The following KCNT2 variants were observed in gnomAD, a reference collection of about 807,000 sequenced individuals.
The protein encoded by KCNT2 is potassium sodium-activated channel subfamily T member 2.
A neutral mutation model predicts 153.8 loss-of-function variants in KCNT2; 67 were observed. The ratio of observed to expected loss-of-function variants is 0.44; its 90% CI spans 0.36 to 0.53. The LOEUF (loss-of-function observed/expected upper bound fraction) is 0.53. KCNT2 is among the 20% of genes least tolerant of loss of function. The pLI is 0.00. For synonymous variants in KCNT2, 500 were observed against 458.8 expected (o/e 1.09, Z -1.15); for missense variants, 975 against 1,354.8 (o/e 0.72, Z 4.40).
At chr1:196,241,068 G>C (rs1654909530) in intron 26 of KCNT2, among the ~76,000 whole-genome samples, 1 of 152,142 alleles carries the variant, frequency 6.6e-6, no homozygotes, top group South Asian at 2.1e-4. Flanking sequence ...AAGGAAGACA[G>C]AGAAAGAGAC....
In KCNT2 at chr1:196,510,676, C is replaced by T. The variant is rs112441800; in HGVS notation, c.96-18335G>A. 4.1e-3 allele frequency among the ~76,000 whole-genome samples: 622 copies of T among 152,224 alleles called. 5 individuals are homozygous for T. The highest frequency in any genetic ancestry group is 0.014 in the African/African-American group (590 of 41,554). ...TAAGTATCATAGAAGTGGGTGTGAT[C>T]GACATGGAAATGTGGCACCCAGATT... On this transcript the variant is annotated intron_variant, in intron 1 of 27. Coordinates refer to ENST00000294725, the MANE Select transcript of KCNT2 (RefSeq NM_198503.5).
intron 16 of KCNT2, 134 bp downstream of exon 16, chr1:196,340,207 A>G (rs1665484047): frequency 1.7e-6 from 1 of 595,854 alleles, no homozygotes; most frequent in Non-Finnish European, 2.8e-6. Context: ...ATACCTAGTC[A>G]TACCTAGTTT....
At chr1:196,239,196 A>G (rs971384863) in intron 26 of KCNT2, among the ~76,000 whole-genome samples, 2 of 151,956 alleles carry the variant, frequency 1.3e-5, no homozygotes, top group Non-Finnish European at 2.9e-5. Flanking sequence ...GGGAATTTGC[A>G]GTGAATATAT....
chr1:196,342,422 A>ATATATATATATATATATATATATATG (rs1026531459), intron 14 of KCNT2, among the ~76,000 whole-genome samples, 194 bp from the exon 15 acceptor site: 24 of 5,764 alleles, frequency 4.2e-3, no homozygotes, highest in African/African-American at 6.1e-3. Context: ...TTTGAATACT[A>ATATATATATATATATATATATATATG]TATATATATA....
chr1:196,320,961 C>T (rs1443765465), intron 19 of KCNT2, among the ~76,000 whole-genome samples: 2 of 150,738 alleles, frequency 1.3e-5, no homozygotes, highest in East Asian at 2.0e-4. Context: ...TCACATCTTC[C>T]GAAGACCTTA....
At chr1:196,267,729 C>T (rs542092327) in intron 25 of KCNT2, among the ~76,000 whole-genome samples, 4 of 152,240 alleles carry the variant, frequency 2.6e-5, no homozygotes, top group East Asian at 1.9e-4. Flanking sequence ...AGATGCCCTG[C>T]GCTCAGGACT....
At chr1:196,321,167 T>A (rs1298620495) in intron 19 of KCNT2, among the ~76,000 whole-genome samples, 1 of 151,886 alleles carries the variant, frequency 6.6e-6, no homozygotes, top group Non-Finnish European at 1.5e-5. Flanking sequence ...CTAGTTATAC[T>A]CTTTCTAGGT....
At position 196,423,072 on chromosome 1, in the gene KCNT2, C is replaced by A; in HGVS notation, c.1163G>T (p.Cys388Phe). 1 of 1,603,822 alleles carries A rather than the reference C, an allele frequency of 6.2e-7. No homozygotes were observed. The highest frequency in any genetic ancestry group is 8.5e-7 in the Non-Finnish European group (1 of 1,173,906). Residue 388 changes from cysteine (C) to phenylalanine (F), a missense_variant, in exon 12 of 28, where the codon TGT (cysteine) becomes TTT (phenylalanine). Cys to Phe is a radical substitution (Grantham distance 205). Transcript: ENST00000294725. Reference protein sequence around the residue: ...AEACFILSSRCEVDRTSSDHQ... With the variant: ...AEACFILSSRFEVDRTSSDHQ... ...TACAGATGATGTCCTATCCACTTCACAACGGCTACTGAGAATAAAACAGGC... is the reference window on the plus strand; with the variant it reads ...TACAGATGATGTCCTATCCACTTCAAAACGGCTACTGAGAATAAAACAGGC...
At chr1:196,250,107 A>G (rs543276910) in intron 26 of KCNT2, among the ~76,000 whole-genome samples, 1 of 152,292 alleles carries the variant, frequency 6.6e-6, no homozygotes, top group Middle Eastern at 3.4e-3. Flanking sequence ...AGCATTCTAA[A>G]ATTTATATGG....
chr1:196,352,898 A>G (rs1666853695), intron 14 of KCNT2, among the ~76,000 whole-genome samples: 1 of 152,034 alleles, frequency 6.6e-6, no homozygotes, highest in Admixed American at 6.6e-5. Flanking sequence ...AGATTCTGGT[A>G]TGTTGTGTCT....
At chr1:196,290,936 A>T (rs1018927404) in intron 22 of KCNT2, among the ~76,000 whole-genome samples, 2 of 151,888 alleles carry the variant, frequency 1.3e-5, no homozygotes, top group African/African-American at 4.8e-5. Context: ...ACTTGCCATG[A>T]CTCCCCATTC....
chr1:196,420,270 G>A (rs567112214), intron 12 of KCNT2, among the ~76,000 whole-genome samples: 8 of 151,854 alleles, frequency 5.3e-5, no homozygotes, highest in African/African-American at 1.7e-4. Flanking sequence ...ATATTCTCAT[G>A]TTACTAGGAA....
intron 25 of KCNT2, among the ~76,000 whole-genome samples, chr1:196,270,545 A>G (rs1657969077): frequency 1.3e-5 from 2 of 152,126 alleles, no homozygotes; most frequent in African/African-American, 4.8e-5. Context: ...CAACAAAGAG[A>G]AAAGCATTGT....
chr1:196,490,582 C>T (rs1199620719), intron 2 of KCNT2, among the ~76,000 whole-genome samples: 1 of 150,432 alleles, frequency 6.6e-6, no homozygotes, highest in Admixed American at 6.6e-5. Flanking sequence ...CATACACACA[C>T]ATACGTTTAA....
chr1:196,549,369 C>T lies in KCNT2; in HGVS notation c.96-57028G>A, dbSNP rs540857507. ...TTTACAGATAATAGGCCCCCCCACA[C>T]TAGAGAGTGAGAAGAAGCTACAGAG... On this transcript the variant is annotated intron_variant, in intron 1 of 27. Transcript: ENST00000294725. Among the ~76,000 whole-genome samples the T allele has an allele frequency of 2.5e-4, 38 of 151,932 alleles. No individual in the cohort carries two copies. The South Asian group carries it at 7.7e-3, about 31-fold the overall frequency.
Position 196,377,239 on chromosome 1 carries a change from G to A in KCNT2, c.1295-3991C>T, listed in dbSNP as rs548706701. On this transcript the variant is annotated intron_variant, in intron 13 of 27. Coordinates refer to ENST00000294725, the MANE Select transcript of KCNT2 (RefSeq NM_198503.5). ...AACATCAAAAGAATCCTTTTCATGG[G>A]CATAAACATCATCAGATAGTATGAC... is the stretch of plus-strand genomic sequence containing the variant. 5.9e-5 allele frequency among the ~76,000 whole-genome samples: 9 copies of A among 151,978 alleles called. No homozygotes were observed. The South Asian group carries it at 8.3e-4, about 14-fold the overall frequency.
chr1:196,453,093 G>C (rs1676362253), intron 8 of KCNT2, among the ~76,000 whole-genome samples: 1 of 151,830 alleles, frequency 6.6e-6, no homozygotes, highest in Non-Finnish European at 1.5e-5. Context: ...TTGTTTTTCA[G>C]TTTGTGTTAT....
intron 12 of KCNT2, among the ~76,000 whole-genome samples, chr1:196,413,644 G>A (rs949922321): frequency 6.6e-6 from 1 of 151,598 alleles, no homozygotes; most frequent in African/African-American, 2.4e-5. Flanking sequence ...ATCTAGAATA[G>A]TCAGAAAGCA....
intron 4 of KCNT2, 121 bp downstream of exon 4, chr1:196,482,210 A>G: frequency 1.5e-6 from 1 of 658,042 alleles, no homozygotes; most frequent in Non-Finnish European, 2.7e-6. Context: ...CAAGATGTGC[A>G]TGAAGATTAA....
Sources: gnomAD v4.1 joint callset for allele counts (sites outside exome capture counted in the v4.1 genomes callset) on GRCh38, gnomAD v4.1.1 for gene constraint, MANE v1.5 for transcripts, NCBI Gene and HGNC (gene_info 2026-07-23, HGNC 2026-07-21) for gene names.